Variants in SCGB1A1 observed in about 807,000 individuals in gnomAD.
The protein encoded by SCGB1A1 is secretoglobin family 1A member 1.
A neutral mutation model predicts 7.5 loss-of-function variants in SCGB1A1; 8 were observed. The observed-to-expected ratio is 1.07, with a 90% CI of 0.63 to 1.92. SCGB1A1 has a LOEUF of 1.92. SCGB1A1 is among the 30% of genes most tolerant of loss of function. The pLI, the probability that SCGB1A1 is intolerant of heterozygous loss-of-function variation, is 0.00. For missense variants in SCGB1A1, 121 were observed against 112.7 expected (o/e 1.07, Z -0.33); for synonymous variants, 44 against 40.8 (o/e 1.08, Z -0.30).
intron 2 of SCGB1A1, among the ~76,000 whole-genome samples, chr11:62,422,655 A>C (rs1182181075): frequency 6.8e-6 from 1 of 147,720 alleles, no homozygotes; most frequent in Non-Finnish European, 1.5e-5. Flanking sequence ...GCTTACTGCA[A>C]CCTCCACCTC....
intron 1 of SCGB1A1, among the ~76,000 whole-genome samples, chr11:62,421,114 G>C (rs1245919250): frequency 6.6e-6 from 1 of 151,374 alleles, no homozygotes; most frequent in Non-Finnish European, 1.5e-5. Context: ...TTCTGGAGAG[G>C]GTCTGACTTG....
chr11:62,420,073 G>C (rs1937742465), intron 1 of SCGB1A1, among the ~76,000 whole-genome samples: 1 of 152,192 alleles, frequency 6.6e-6, no homozygotes, highest in African/African-American at 2.4e-5. Flanking sequence ...ATTTTGCAGA[G>C]AGGTTTATTT....
In SCGB1A1 at chr11:62,419,290, A is replaced by T. The variant is rs1221331372; in HGVS notation, c.55+140A>T. Reference sequence around the variant, plus strand: ...ACCTGGGCATGCTGAGTCTCAGAAAACTGGGTCTGGTGAGCAAGCTCATCT... The same window carrying T: ...ACCTGGGCATGCTGAGTCTCAGAAATCTGGGTCTGGTGAGCAAGCTCATCT... On this transcript the variant is annotated intron_variant, in intron 1 of 2. Coordinates refer to ENST00000278282, the MANE Select transcript of SCGB1A1 (RefSeq NM_003357.5). 17 of 630,902 alleles carry T rather than the reference A, an allele frequency of 2.7e-5. No homozygotes were observed. The East Asian group carries it at 5.5e-4, about 20-fold the overall frequency. The allele number at this position is 630,902 out of a possible 1,614,324, so 39.1% of individuals were successfully genotyped here.
At chr11:62,420,827 T>A (rs1159018574) in intron 1 of SCGB1A1, among the ~76,000 whole-genome samples, 1 of 151,212 alleles carries the variant, frequency 6.6e-6, no homozygotes, top group East Asian at 2.0e-4. Flanking sequence ...CCCAGCTACT[T>A]GGGAGGCCGA....
At chr11:62,420,347 CT>C (rs1434752989) in intron 1 of SCGB1A1, among the ~76,000 whole-genome samples, 11 of 147,192 alleles carry the variant, frequency 7.5e-5, no homozygotes, top group Admixed American at 6.8e-4. Flanking sequence ...CAGAGTCTCG[CT>C]CTGTTGCCAG....
intron 1 of SCGB1A1, among the ~76,000 whole-genome samples, chr11:62,420,756 G>A (rs1355764308): frequency 1.3e-5 from 2 of 151,032 alleles, no homozygotes; most frequent in African/African-American, 2.4e-5. Context: ...CCAACATGGT[G>A]AAACCTTGTC....
rs754127295 is a variant in SCGB1A1, at chr11:62,422,318, T to C, written c.153T>C (p.Pro51=). The change falls in exon 2 of 3, where the codon CCT becomes CCC. Residue 51 remains proline, a synonymous_variant. Coordinates refer to ENST00000278282, the MANE Select transcript of SCGB1A1 (RefSeq NM_003357.5). The part of the protein sequence containing the change: ...SYEAAMELFS[P]DQDMREAGAQ... ...AGGCTGCCATGGAACTTTTCAGCCCTGATCAAGACATGAGGGAGGCAGGGG... is the reference window on the plus strand; with the variant it reads ...AGGCTGCCATGGAACTTTTCAGCCCCGATCAAGACATGAGGGAGGCAGGGG... 1 of 1,614,094 alleles carries C rather than the reference T, an allele frequency of 6.2e-7. No homozygotes were observed. The highest frequency in any genetic ancestry group is 1.1e-5 in the South Asian group (1 of 91,074).
chr11:62,420,527 T>C (rs1430754336), intron 1 of SCGB1A1, among the ~76,000 whole-genome samples: 1 of 151,288 alleles, frequency 6.6e-6, no homozygotes, highest in Admixed American at 6.6e-5. Context: ...TTGGCCAGGA[T>C]GGTCTCCATC....
chr11:62,419,091 C>A lies in SCGB1A1; in HGVS notation c.-5C>A. On this transcript the variant is annotated 5_prime_UTR_variant, in exon 1 of 3. Coordinates refer to ENST00000278282, the MANE Select transcript of SCGB1A1 (RefSeq NM_003357.5). Reference sequence around the variant, plus strand: ...AGACGGGCCAGAGCATCCCCCTCCTCCACCATGAAACTCGCTGTCACCCTC... The same window carrying A: ...AGACGGGCCAGAGCATCCCCCTCCTACACCATGAAACTCGCTGTCACCCTC... 6.3e-7 allele frequency: 1 copy of A among 1,585,404 alleles called. No individual in the cohort carries two copies. Among genetic ancestry groups the A allele is most frequent in the African/African-American group, 1.3e-5 (1 of 74,154 alleles).
rs1937715397 is a variant in SCGB1A1, at chr11:62,419,111, A to C, written c.16A>C (p.Thr6Pro). 6.3e-7 allele frequency: 1 copy of C among 1,580,430 alleles called. No individual in the cohort carries two copies. Among genetic ancestry groups the C allele is most frequent in the South Asian group, 1.2e-5 (1 of 85,668 alleles). The change falls in exon 1 of 3, where the codon ACC (threonine) becomes CCC (proline). Residue 6 changes from threonine to proline, a missense_variant. Thr to Pro is a conservative substitution (Grantham distance 38). Coordinates refer to ENST00000278282, the MANE Select transcript of SCGB1A1 (RefSeq NM_003357.5). ...CTCCTCCACCATGAAACTCGCTGTC[A>C]CCCTCACCCTGGTCACACTGGCTCT... MKLAV[T>P]LTLVTLALCC...
chr11:62,422,735 G>A (rs1402809668), intron 2 of SCGB1A1, among the ~76,000 whole-genome samples: 2 of 152,108 alleles, frequency 1.3e-5, no homozygotes, highest in African/African-American at 4.8e-5. Context: ...CCATCATGCC[G>A]AGCTAATTTC....
At chr11:62,419,566 C>T (rs897800662) in intron 1 of SCGB1A1, among the ~76,000 whole-genome samples, 1 of 152,182 alleles carries the variant, frequency 6.6e-6, no homozygotes, top group Non-Finnish European at 1.5e-5. Flanking sequence ...CAGCTGAAGT[C>T]ACTGGAAGGG....
intron 1 of SCGB1A1, among the ~76,000 whole-genome samples, chr11:62,421,371 C>T (rs1937785079): frequency 6.6e-6 from 1 of 152,174 alleles, no homozygotes; most frequent in African/African-American, 2.4e-5. Flanking sequence ...GCTGAGTGTG[C>T]CACAGGGCCC....
Position 62,419,095 on chromosome 11 carries a change from C to A in SCGB1A1, c.-1C>A. 1 of 1,585,428 alleles carries A rather than the reference C, an allele frequency of 6.3e-7. No individual in the cohort carries two copies. Among genetic ancestry groups the A allele is most frequent in the Non-Finnish European group, 8.6e-7 (1 of 1,163,368 alleles). ...GGGCCAGAGCATCCCCCTCCTCCAC[C>A]ATGAAACTCGCTGTCACCCTCACCC... is the stretch of plus-strand genomic sequence containing the variant. On this transcript the variant is annotated 5_prime_UTR_variant, in exon 1 of 3. Transcript: ENST00000278282.
intron 1 of SCGB1A1, among the ~76,000 whole-genome samples, chr11:62,420,701 G>A (rs1352968215): frequency 2.0e-5 from 3 of 151,300 alleles, no homozygotes; most frequent in South Asian, 2.1e-4. Flanking sequence ...TTGGGAGGCC[G>A]AGGTGGGTAG....
chr11:62,419,826 G>A (rs1456687119), intron 1 of SCGB1A1, among the ~76,000 whole-genome samples: 3 of 152,132 alleles, frequency 2.0e-5, no homozygotes, highest in Non-Finnish European at 4.4e-5. Flanking sequence ...GGGGAGAAAG[G>A]AAGGAAAGAA....
chr11:62,422,498 T>A, intron 2 of SCGB1A1, 90 bp downstream of exon 2: 1 of 1,164,980 alleles, frequency 8.6e-7, no homozygotes, highest in Non-Finnish European at 1.2e-6. Context: ...CTGTTTCTAA[T>A]CCAGAGAGGA....
intron 1 of SCGB1A1, among the ~76,000 whole-genome samples, chr11:62,420,939 CAAAT>C (rs763658977): frequency 2.2e-4 from 33 of 149,772 alleles, no homozygotes; most frequent in Middle Eastern, 3.5e-3. Context: ...CGTCTGAAAA[CAAAT>C]AAATAAATAA....
At chr11:62,423,017 T>C (rs1937840640) in intron 2 of SCGB1A1, 42 bp from the exon 3 acceptor site, 7 of 1,588,238 alleles carry the variant, frequency 4.4e-6, no homozygotes, top group Non-Finnish European at 6.1e-6. Flanking sequence ...ATTCATTCAC[T>C]GTTGTATTGG....
Sources: allele counts gnomAD v4.1 joint callset (sites outside exome capture counted in the v4.1 genomes callset), GRCh38; gene constraint gnomAD v4.1.1; transcripts MANE v1.5; gene names NCBI Gene and HGNC (gene_info 2026-07-23, HGNC 2026-07-21).